GATAD2B: variants seen among roughly 807,000 people sequenced by gnomAD.
The protein encoded by GATAD2B is transcriptional repressor p66-beta.
Under a neutral mutation model 64.3 loss-of-function variants are expected in GATAD2B, and 8 were observed. The ratio of observed to expected loss-of-function variants is 0.12; its 90% CI spans 0.07 to 0.22. The LOEUF is 0.22. GATAD2B is among the 10% of genes least tolerant of loss of function. The probability of loss-of-function intolerance (pLI) is 1.00; values close to 1 mark genes in which losing one functional copy is unlikely to be tolerated. For missense variants in GATAD2B, 453 were observed against 752.0 expected (o/e 0.60, Z 4.65); for synonymous variants, 281 against 271.3 (o/e 1.04, Z -0.35).
chr1:153,830,575 A>T (rs1292413698), intron 1 of GATAD2B, among the ~76,000 whole-genome samples: 2 of 142,648 alleles, frequency 1.4e-5, no homozygotes, highest in Non-Finnish European at 3.1e-5. Context: ...TCCCGGGTTC[A>T]CGCCATTCTC....
At chr1:153,903,204 C>T (rs1008115827) in intron 1 of GATAD2B, among the ~76,000 whole-genome samples, 77 of 150,200 alleles carry the variant, frequency 5.1e-4, no homozygotes, top group Admixed American at 8.6e-4. Context: ...GGCGACAGAG[C>T]GAGACTCCAT....
At chr1:153,902,237 C>T (rs569003706) in intron 1 of GATAD2B, among the ~76,000 whole-genome samples, 7 of 151,674 alleles carry the variant, frequency 4.6e-5, no homozygotes, top group African/African-American at 1.2e-4. Context: ...GCCAAGATTG[C>T]GCCACTGCGC....
chr1:153,895,932 G>C (rs993062314), intron 1 of GATAD2B, among the ~76,000 whole-genome samples: 1 of 151,620 alleles, frequency 6.6e-6, no homozygotes, highest in Non-Finnish European at 1.5e-5. Context: ...GGCTGAGGTG[G>C]GAGGATCACC....
intron 7 of GATAD2B, among the ~76,000 whole-genome samples, chr1:153,815,303 A>AAAAAAAAAAAAAAAG (rs1557780311): frequency 1.3e-5 from 2 of 148,812 alleles, no homozygotes; most frequent in African/African-American, 5.0e-5. Flanking sequence ...CAAAAAAAAA[A>AAAAAAAAAAAAAAAG]AAAAGAAAAG....
At chr1:153,812,924 CAA>C (rs1032635906) in intron 8 of GATAD2B, among the ~76,000 whole-genome samples, 1 of 152,142 alleles carries the variant, frequency 6.6e-6, no homozygotes, top group Non-Finnish European at 1.5e-5. Context: ...ATAACTGTTT[CAA>C]AGAGATTTAT....
chr1:153,845,216 GA>G (rs771349229), intron 1 of GATAD2B, among the ~76,000 whole-genome samples: 1 of 151,868 alleles, frequency 6.6e-6, no homozygotes, highest in Non-Finnish European at 1.5e-5. Context: ...GTGATCAATG[GA>G]AAAAAACTCA....
intron 1 of GATAD2B, among the ~76,000 whole-genome samples, chr1:153,835,323 T>G (rs1675225364): frequency 6.6e-6 from 1 of 152,172 alleles, no homozygotes. Flanking sequence ...TTGAAAGCAG[T>G]TCTACTGTGG....
intron 1 of GATAD2B, among the ~76,000 whole-genome samples, chr1:153,870,950 T>C (rs1676646540): frequency 6.6e-6 from 1 of 152,200 alleles, no homozygotes; most frequent in Non-Finnish European, 1.5e-5. Flanking sequence ...TCTTGCTCTG[T>C]CGCCCAGGCT....
chr1:153,884,313 G>C (rs1677099029), intron 1 of GATAD2B, among the ~76,000 whole-genome samples: 2 of 152,202 alleles, frequency 1.3e-5, no homozygotes, highest in Admixed American at 1.3e-4. Flanking sequence ...GGTGATGGCG[G>C]GTGCCTGTAG....
In GATAD2B at chr1:153,892,180, A is replaced by G. The variant is rs1010330198; in HGVS notation, c.-2+30553T>C. On this transcript the variant is annotated intron_variant, in intron 1 of 10. Transcript: ENST00000368655. ...CTCCGTCTCAAAAAAAAAAAAAAAA[A>G]AAAAAGAAAAGACAAGACAATTAGG... 6.0e-5 allele frequency among the ~76,000 whole-genome samples: 9 copies of G among 151,234 alleles called. No homozygotes were observed. The East Asian group carries it at 7.7e-4, about 13-fold the overall frequency.
At chr1:153,822,068 C>G (rs2101885613) in intron 2 of GATAD2B, among the ~76,000 whole-genome samples, 1 of 152,032 alleles carries the variant, frequency 6.6e-6, no homozygotes, top group Admixed American at 6.6e-5. Flanking sequence ...GTAATCCCAG[C>G]TACTCAGGAG....
chr1:153,915,518 CAGA>C (rs1678235148), intron 1 of GATAD2B, among the ~76,000 whole-genome samples: 2 of 151,990 alleles, frequency 1.3e-5, no homozygotes, highest in East Asian at 1.9e-4. Context: ...GAAGGTTTCC[CAGA>C]AGAAGTGGCA....
chr1:153,852,402 T>G (rs1247583870), intron 1 of GATAD2B: 1 of 793,658 alleles, frequency 1.3e-6, no homozygotes, highest in Non-Finnish European at 2.3e-6. Flanking sequence ...GGATGTTCTG[T>G]GGTCATCATG....
At chr1:153,919,143 C>G (rs1678355343) in intron 1 of GATAD2B, among the ~76,000 whole-genome samples, 1 of 152,212 alleles carries the variant, frequency 6.6e-6, no homozygotes, top group Admixed American at 6.6e-5. Context: ...AGGTCTGGAT[C>G]TGACCACTTC....
chr1:153,852,362 C>T, intron 1 of GATAD2B: 1 of 870,854 alleles, frequency 1.1e-6, no homozygotes. Flanking sequence ...ATGTCGCCTG[C>T]CATCACCCTC....
intron 1 of GATAD2B, among the ~76,000 whole-genome samples, chr1:153,828,834 T>G (rs780761216): frequency 8.5e-5 from 13 of 152,150 alleles, no homozygotes; most frequent in African/African-American, 1.7e-4. Context: ...TTTTCTTTAC[T>G]CATGAAGAAA....
chr1:153,843,991 G>C (rs538277681), intron 1 of GATAD2B, among the ~76,000 whole-genome samples: 1 of 152,282 alleles, frequency 6.6e-6, no homozygotes, highest in South Asian at 2.1e-4. Flanking sequence ...CAGGAGGGGA[G>C]GGAGATTGAG....
At chr1:153,909,678 A>C (rs938130069) in intron 1 of GATAD2B, among the ~76,000 whole-genome samples, 2 of 150,798 alleles carry the variant, frequency 1.3e-5, no homozygotes, top group African/African-American at 4.9e-5. Flanking sequence ...CAAGCCTATA[A>C]TCCCAGCACT....
At chr1:153,864,377 G>C (rs927496470) in intron 1 of GATAD2B, among the ~76,000 whole-genome samples, 2 of 152,224 alleles carry the variant, frequency 1.3e-5, no homozygotes, top group African/African-American at 4.8e-5. Context: ...AGCACTTTGG[G>C]AGGTGGAGGC....
Sources: gnomAD v4.1 joint callset for allele counts (sites outside exome capture counted in the v4.1 genomes callset) on GRCh38, gnomAD v4.1.1 for gene constraint, MANE v1.5 for transcripts, NCBI Gene and HGNC (gene_info 2026-07-23, HGNC 2026-07-21) for gene names.